Variants in TJP3 observed in about 807,000 individuals in gnomAD.
The protein encoded by TJP3 is tight junction protein ZO-3.
Under a neutral mutation model 104.2 loss-of-function variants are expected in TJP3, and 85 were observed. The observed-to-expected ratio is 0.82, with a 90% CI of 0.68 to 0.98. The LOEUF (loss-of-function observed/expected upper bound fraction) is 0.98. Among genes scored for constraint, TJP3 ranks in the 50% least tolerant of loss-of-function variants. The probability of loss-of-function intolerance (pLI) is 0.00; values close to 1 mark genes in which losing one functional copy is unlikely to be tolerated. For synonymous variants in TJP3, 550 were observed against 550.6 expected, an observed-to-expected ratio of 1.00 and a Z score of 0.02; for missense variants, 1,367 against 1,322.8, an observed-to-expected ratio of 1.03 and a Z score of -0.52.
chr19:3,733,969 G>A (rs938585520), intron 7 of TJP3, 57 bp downstream of exon 7: 1 of 1,577,208 alleles, frequency 6.3e-7, no homozygotes, highest in Non-Finnish European at 8.6e-7. Context: ...AGGGAAGGTG[G>A]GAAGCCCCAG....
At chr19:3,715,235 G>A (rs553692227) in intron 1 of TJP3, among the ~76,000 whole-genome samples, 153 of 151,694 alleles carry the variant, frequency 1.0e-3, no homozygotes, top group African/African-American at 3.5e-3. Context: ...GACTACAGGC[G>A]CCCGCCACCA....
chr19:3,732,644 G>C (rs1268013373), intron 6 of TJP3, among the ~76,000 whole-genome samples: 1 of 151,882 alleles, frequency 6.6e-6, no homozygotes, highest in Non-Finnish European at 1.5e-5. Context: ...CGAGTAGCTG[G>C]GATTACAGGT....
At chr19:3,712,215 C>G (rs892505399) in intron 1 of TJP3, among the ~76,000 whole-genome samples, 2 of 152,206 alleles carry the variant, frequency 1.3e-5, no homozygotes, top group African/African-American at 4.8e-5. Context: ...ACTTGGGAGG[C>G]TGAGGCAGGA....
chr19:3,750,198 A>G lies in TJP3; in HGVS notation c.2657+14A>G. The G allele has an allele frequency of 6.4e-7, 1 of 1,571,092 alleles. No homozygotes were observed. The highest frequency in any genetic ancestry group is 8.6e-7 in the Non-Finnish European group (1 of 1,161,504). ...GGACAGCATGCGGTAAGAACCCCAT[A>G]TTCCAGATTGGGGCCCTCAACCCTT... On this transcript the variant is annotated intron_variant, in intron 20 of 20. Transcript: ENST00000541714.
chr19:3,716,054 C>T (rs1257049662), intron 1 of TJP3, among the ~76,000 whole-genome samples: 2 of 150,844 alleles, frequency 1.3e-5, no homozygotes, highest in East Asian at 2.0e-4. Context: ...GCTGGGATTA[C>T]AGGCGTGAGC....
chr19:3,714,720 G>C (rs928943769), intron 1 of TJP3, among the ~76,000 whole-genome samples: 1 of 152,046 alleles, frequency 6.6e-6, no homozygotes, highest in South Asian at 2.1e-4. Context: ...TCCTGGCCCT[G>C]ATCCACTGGG....
Position 3,738,972 on chromosome 19 carries a change from C to A in TJP3, c.1469C>A (p.Pro490Gln). 1 of 1,613,278 alleles carries A rather than the reference C, an allele frequency of 6.2e-7. No individual in the cohort carries two copies. The highest frequency in any genetic ancestry group is 8.5e-7 in the Non-Finnish European group (1 of 1,179,814). The part of the protein sequence containing the change: ...IRTHFELEPS[P>Q]PSGLGFTRGD... ...ACTCACTTTGAGCTGGAGCCCAGTC[C>A]ACCGTCTGGCCTGGGCTTCACCCGT... The change falls in exon 13 of 21, where the codon CCA becomes CAA. Residue 490 changes from proline (P) to glutamine (Q), a missense_variant. Coordinates refer to ENST00000541714, the MANE Select transcript of TJP3 (RefSeq NM_001267560.2).
chr19:3,749,068 C>T (rs2036950968), intron 19 of TJP3, among the ~76,000 whole-genome samples: 4 of 150,570 alleles, frequency 2.7e-5, no homozygotes, highest in South Asian at 4.2e-4. Context: ...GACAGGGTTT[C>T]ACCACGCTGG....
chr19:3,746,693 C>T lies in TJP3; in HGVS notation c.2219C>T (p.Thr740Ile), dbSNP rs1319521449. The T allele has an allele frequency of 2.5e-6, 4 of 1,610,480 alleles. No homozygotes were observed. The South Asian group carries it at 3.3e-5, about 13-fold the overall frequency. Residue 740 changes from threonine (T) to isoleucine (I), a missense_variant and splice_region_variant, in exon 17 of 21, where the codon ACA (threonine) becomes ATA (isoleucine). Thr to Ile is a moderately conservative substitution (Grantham distance 89). Transcript: ENST00000541714. The surrounding 1 kb of genome is among the most constrained non-coding windows in gnomAD (Gnocchi z 4.1). ...CGAAAACACAGCAGCCACCTCTTCA[C>T]AGGTTGGGGGGTGGGTGTCCCAGGG... ...KLRKHSSHLF[T>I]ATIPLNGTSD... is the part of the protein sequence containing the mutation.
At chr19:3,716,667 C>A (rs915669550) in intron 1 of TJP3, among the ~76,000 whole-genome samples, 13 of 146,652 alleles carry the variant, frequency 8.9e-5, no homozygotes, top group African/African-American at 2.9e-4. Flanking sequence ...GCTCTGTCAC[C>A]CAGGCTGGAG....
At chr19:3,743,269 AAAAAGTAAATAAAAT>A (rs974684561) in intron 14 of TJP3, among the ~76,000 whole-genome samples, 25 of 152,274 alleles carry the variant, frequency 1.6e-4, no homozygotes, top group Non-Finnish European at 3.4e-4. Context: ...ATCTCAAAAA[AAAAAGTAAATAAAAT>A]AAAAGAAAGA....
At position 3,730,412 on chromosome 19, in the gene TJP3, C is replaced by T; in HGVS notation, c.319C>T (p.Pro107Ser). ...LPATKASPSS[P>S]GRQDSDEDDG... The stretch of plus-strand genomic sequence containing the variant: ...CGCCACCAAAGCCAGCCCCTCCAGC[C>T]CAGGGCGCCAGGACTCGGATGAAGA... Residue 107 changes from proline to serine, a missense_variant, in exon 5 of 21, where the codon CCA becomes TCA. Transcript: ENST00000541714. This position sits in a 1 kb window ranked among gnomAD's most constrained non-coding sequence, Gnocchi z 7.3. The T allele has an allele frequency of 1.9e-6, 3 of 1,584,078 alleles. No individual in the cohort carries two copies. The highest frequency in any genetic ancestry group is 2.6e-6 in the Non-Finnish European group (3 of 1,166,570).
chr19:3,728,555 T>G (rs757751852), intron 2 of TJP3, 49 bp from the exon 3 acceptor site: 20 of 1,599,990 alleles, frequency 1.3e-5, no homozygotes, highest in Admixed American at 1.8e-5. Context: ...GGGGAGACCC[T>G]TTACCCTGGG....
chr19:3,741,843 G>GCA (rs1235388182), intron 14 of TJP3, among the ~76,000 whole-genome samples: 5 of 151,124 alleles, frequency 3.3e-5, no homozygotes, highest in Non-Finnish European at 7.4e-5. Context: ...GGTGGCAGGT[G>GCA]CCTATAATCC....
rs1000383831 is a variant in TJP3, at chr19:3,740,491, C to T, written c.1632-61C>T. ...CAGGCTCCGAGGGGTAGGACGAGGA[C>T]GTCTTTGGGGCCACCATGCTGCTGA... On this transcript the variant is annotated intron_variant, in intron 13 of 20. Coordinates refer to ENST00000541714, the MANE Select transcript of TJP3 (RefSeq NM_001267560.2). The T allele has an allele frequency of 1.2e-5, 14 of 1,159,976 alleles. No individual in the cohort carries two copies. In the African/African-American group the frequency reaches 1.9e-4, roughly 16 times the overall value. The allele number at this position is 1,159,976 out of a possible 1,614,324, so 71.9% of individuals were successfully genotyped here. A position where few individuals can be genotyped will look rare whatever the true frequency, so the allele number is the denominator to read the frequency against.
At position 3,733,762 on chromosome 19, in the gene TJP3, G is replaced by A. The variant is rs772807174; in HGVS notation, c.727G>A (p.Val243Met). ...TCCTGGTCCCTTTCAGATCAACGGG[G>A]TGTCTAGCCAGAACCTGTCACTGAA... ...EGDLILQING[V>M]SSQNLSLNDT... Residue 243 changes from valine to methionine, a missense_variant, in exon 7 of 21, where the codon GTG becomes ATG. Val to Met is a conservative substitution (Grantham distance 21, BLOSUM62 1). Coordinates refer to ENST00000541714, the MANE Select transcript of TJP3 (RefSeq NM_001267560.2). 3 of 1,613,976 alleles carry A rather than the reference G, an allele frequency of 1.9e-6. No individual in the cohort carries two copies. The highest frequency in any genetic ancestry group is 1.3e-5 in the African/African-American group (1 of 74,906).
At chr19:3,721,372 A>C (rs2036540572) in intron 1 of TJP3, among the ~76,000 whole-genome samples, 1 of 152,170 alleles carries the variant, frequency 6.6e-6, no homozygotes, top group Non-Finnish European at 1.5e-5. Flanking sequence ...AGATAAGGTG[A>C]CCCAGGGACC....
chr19:3,744,967 G>A (rs1467618707), intron 15 of TJP3, among the ~76,000 whole-genome samples: 3 of 151,924 alleles, frequency 2.0e-5, no homozygotes, highest in East Asian at 3.9e-4. Context: ...GCAAATTTTG[G>A]CTGGGTGTGG....
In TJP3 at chr19:3,740,784, G is replaced by A. The variant is rs1016559932; in HGVS notation, c.1843+21G>A. On this transcript the variant is annotated intron_variant, in intron 14 of 20. Transcript: ENST00000541714. ...AGAAGGTGGGGCCCGGAGCTGGAGG[G>A]GCCCTGGGGAGGCCTCACACACAGC... 11 of 1,523,042 alleles carry A rather than the reference G, an allele frequency of 7.2e-6. 1 individual carries two copies. The South Asian group carries it at 1.3e-4, about 18-fold the overall frequency. The allele number at this position is 1,523,042 out of a possible 1,614,324, so 94.3% of individuals were successfully genotyped here.
Sources: gnomAD v4.1 joint callset for allele counts (sites outside exome capture counted in the v4.1 genomes callset) on GRCh38, gnomAD v4.1.1 for gene constraint, Gnocchi (gnomAD v3.1) non-coding constraint, MANE v1.5 for transcripts, NCBI Gene and HGNC (gene_info 2026-07-23, HGNC 2026-07-21) for gene names.